ARMH4: variants seen among roughly 807,000 people sequenced by gnomAD.
ARMH4 encodes armadillo-like helical domain-containing protein 4.
Under a neutral mutation model 61.9 loss-of-function variants are expected in ARMH4, and 49 were observed. The ratio of observed to expected loss-of-function variants is 0.79; its 90% CI spans 0.63 to 1.00. The LOEUF (loss-of-function observed/expected upper bound fraction) is 1.00, where lower values mean the gene tolerates loss of function less well. ARMH4 is among the 50% of genes least tolerant of loss of function. The pLI is 0.00. For synonymous variants in ARMH4, 368 were observed against 341.5 expected (o/e 1.08, Z -0.85); for missense variants, 934 against 930.0 (o/e 1.00, Z -0.06).
chr14:58,050,436 T>C (rs972585933), intron 5 of ARMH4, among the ~76,000 whole-genome samples: 4 of 152,180 alleles, frequency 2.6e-5, no homozygotes, highest in South Asian at 2.1e-4. Flanking sequence ...GACCTGGTGA[T>C]AGTCAGTGGC....
At chr14:58,139,825 T>A (rs1243538539) in intron 1 of ARMH4, among the ~76,000 whole-genome samples, 1 of 152,234 alleles carries the variant, frequency 6.6e-6, no homozygotes, top group Non-Finnish European at 1.5e-5. Flanking sequence ...AATAACTTTT[T>A]AAGTGTTGCC....
chr14:58,093,281 T>G (rs983349943), intron 5 of ARMH4, among the ~76,000 whole-genome samples: 7 of 152,064 alleles, frequency 4.6e-5, no homozygotes, highest in African/African-American at 1.7e-4. Context: ...AAACTAATAA[T>G]ACACCTGGCC....
rs376674560 is a variant in ARMH4 at position 58,139,193 on chromosome 14, C to T, written c.166G>A (p.Glu56Lys). The T allele has an allele frequency of 2.1e-5, 34 of 1,614,230 alleles. No individual in the cohort carries two copies. The highest frequency in any genetic ancestry group is 2.8e-5 in the Non-Finnish European group (33 of 1,180,026). Residue 56 changes from glutamate to lysine, a missense_variant, in exon 2 of 8, where the codon GAA becomes AAA. Transcript: ENST00000267485. ...QSDKMNTDDLENSSVTSKQTP... is the reference protein window; with the variant it reads ...QSDKMNTDDLKNSSVTSKQTP... Reference sequence around the variant, plus strand: ...TGCTTTGAGGTAACAGAGCTATTTTCTAGGTCATCGGTGTTCATCTTATCG... The same window carrying T: ...TGCTTTGAGGTAACAGAGCTATTTTTTAGGTCATCGGTGTTCATCTTATCG...
intron 5 of ARMH4, among the ~76,000 whole-genome samples, chr14:58,064,984 C>T (rs1409263299): frequency 6.6e-6 from 1 of 152,162 alleles, no homozygotes; most frequent in East Asian, 1.9e-4. Flanking sequence ...TGGTTTATGC[C>T]TGTAATCCCA....
intron 5 of ARMH4, among the ~76,000 whole-genome samples, chr14:58,031,994 T>C (rs1288582020): frequency 1.3e-5 from 2 of 152,180 alleles, no homozygotes; most frequent in African/African-American, 4.8e-5. Context: ...TAAGGCCCTA[T>C]ATGATTTCAG....
chr14:58,046,244 A>G (rs771411032), intron 5 of ARMH4, among the ~76,000 whole-genome samples: 1 of 152,194 alleles, frequency 6.6e-6, no homozygotes, highest in Non-Finnish European at 1.5e-5. Context: ...AGATGGACCA[A>G]TACGTTTGGA....
chr14:58,110,267 T>G (rs1175142719), intron 4 of ARMH4, among the ~76,000 whole-genome samples: 1 of 152,190 alleles, frequency 6.6e-6, no homozygotes. Context: ...TTTTGAAGTA[T>G]ATATGTATTG....
At chr14:58,019,213 T>C (rs112585370) in intron 5 of ARMH4, among the ~76,000 whole-genome samples, 2 of 152,310 alleles carry the variant, frequency 1.3e-5, no homozygotes, top group South Asian at 2.1e-4. Context: ...TCGCAATGTA[T>C]TGTATTCTTG....
chr14:58,049,054 G>T (rs191387909), intron 5 of ARMH4, among the ~76,000 whole-genome samples: 10 of 151,962 alleles, frequency 6.6e-5, no homozygotes, highest in Non-Finnish European at 1.5e-4. Context: ...TGGCTAACAT[G>T]GTGAAACCCC....
Position 58,133,204 on chromosome 14 carries a change from G to T in ARMH4, c.1507C>A (p.Pro503Thr). ...KTEEEKEDPS[P>T]VSDVPGVTQL... ...GTAACACCAGGAACGTCAGACACAG[G>T]AGAGGGGTCCTCCTTTTCTTCCTCA... is the stretch of plus-strand genomic sequence containing the variant. The change falls in exon 3 of 8, where the codon CCT becomes ACT. Residue 503 changes from proline to threonine, a missense_variant. Pro to Thr is a conservative substitution (Grantham distance 38, BLOSUM62 -1). Coordinates refer to ENST00000267485, the MANE Select transcript of ARMH4 (RefSeq NM_001001872.4). 6.2e-7 allele frequency: 1 copy of T among 1,614,156 alleles called. No individual in the cohort carries two copies. Among genetic ancestry groups the T allele is most frequent in the Non-Finnish European group, 8.5e-7 (1 of 1,180,026 alleles).
chr14:58,068,201 T>C (rs1012318518), intron 5 of ARMH4, among the ~76,000 whole-genome samples: 1 of 152,150 alleles, frequency 6.6e-6, no homozygotes. Context: ...CTTTCCACGA[T>C]GGGAGGAGTT....
At chr14:58,102,188 G>A (rs1886006396) in intron 4 of ARMH4, among the ~76,000 whole-genome samples, 1 of 152,160 alleles carries the variant, frequency 6.6e-6, no homozygotes, top group Admixed American at 6.5e-5. Context: ...TTTGGGGCAG[G>A]GTTTTAAAAT....
At chr14:58,142,340 T>C (rs1887591874) in intron 1 of ARMH4, among the ~76,000 whole-genome samples, 1 of 152,152 alleles carries the variant, frequency 6.6e-6, no homozygotes. Context: ...GTTATCTCAT[T>C]TAGTCTTATA....
intron 5 of ARMH4, among the ~76,000 whole-genome samples, chr14:58,025,371 T>C (rs1882986976): frequency 6.6e-6 from 1 of 152,298 alleles, no homozygotes; most frequent in Admixed American, 6.5e-5. Flanking sequence ...CCATTGAATT[T>C]TGAGTTATAA....
At chr14:58,118,238 G>A (rs576807174) in intron 4 of ARMH4, among the ~76,000 whole-genome samples, 1 of 152,196 alleles carries the variant, frequency 6.6e-6, no homozygotes, top group African/African-American at 2.4e-5. Context: ...TTATCATATG[G>A]GTGTATTTCT....
intron 4 of ARMH4, among the ~76,000 whole-genome samples, chr14:58,121,456 T>C (rs1054274074): frequency 4.6e-5 from 7 of 152,210 alleles, no homozygotes; most frequent in African/African-American, 1.7e-4. Context: ...CAGGAAAGCA[T>C]ACCAGAAAAA....
chr14:58,045,047 A>G (rs1883882082), intron 5 of ARMH4, among the ~76,000 whole-genome samples: 1 of 152,224 alleles, frequency 6.6e-6, no homozygotes, highest in African/African-American at 2.4e-5. Flanking sequence ...TGTGGAAGAC[A>G]GTATGGCGAT....
intron 5 of ARMH4, among the ~76,000 whole-genome samples, chr14:58,069,698 A>T (rs1199948696): frequency 1.3e-5 from 2 of 152,230 alleles, no homozygotes; most frequent in African/African-American, 4.8e-5. Context: ...GGGAAATTTG[A>T]CGTACAGCAT....
chr14:58,017,343 C>T lies in ARMH4; in HGVS notation c.2090-5193G>A, dbSNP rs182734845. Among the ~76,000 whole-genome samples the T allele has an allele frequency of 3.9e-5, 6 of 152,108 alleles. No homozygotes were observed. In the East Asian group the frequency reaches 9.7e-4, roughly 25 times the overall value. On this transcript the variant is annotated intron_variant, in intron 5 of 7. Coordinates refer to ENST00000267485, the MANE Select transcript of ARMH4 (RefSeq NM_001001872.4). Reference sequence around the variant, plus strand: ...TAATAAGAGGAAGAACTTAAATTGTCGCTGTTTGCAGATGACATAATCTTA... The same window carrying T: ...TAATAAGAGGAAGAACTTAAATTGTTGCTGTTTGCAGATGACATAATCTTA...
Sources: allele counts gnomAD v4.1 joint callset (sites outside exome capture counted in the v4.1 genomes callset), GRCh38; gene constraint gnomAD v4.1.1; transcripts MANE v1.5; gene names NCBI Gene and HGNC (gene_info 2026-07-23, HGNC 2026-07-21).